AGAP1: variants seen among roughly 807,000 people sequenced by gnomAD.
AGAP1 encodes ArfGAP with GTPase domain, ankyrin repeat and PH domain 1.
Under a neutral mutation model 105.3 loss-of-function variants are expected in AGAP1, and 29 were observed. The observed-to-expected ratio is 0.28, with a 90% CI of 0.21 to 0.38. AGAP1 has a LOEUF of 0.38. Among genes scored for constraint, AGAP1 ranks in the 10% least tolerant of loss-of-function variants. The pLI is 1.00. For missense variants in AGAP1, 998 were observed against 1,165.1 expected (o/e 0.86, Z 2.09); for synonymous variants, 509 against 485.9 (o/e 1.05, Z -0.63).
intron 1 of AGAP1, among the ~76,000 whole-genome samples, chr2:235,593,710 T>C (rs1945424787): frequency 6.6e-6 from 1 of 152,186 alleles, no homozygotes; most frequent in Non-Finnish European, 1.5e-5. Flanking sequence ...CTTTCTGTAA[T>C]CCCAGCACTT....
In AGAP1 at chr2:236,096,739, C is replaced by T. The variant is rs2059201497; in HGVS notation, c.2115-23453C>T. 6.6e-6 allele frequency among the ~76,000 whole-genome samples: 1 copy of T among 151,626 alleles called. No individual in the cohort carries two copies. The highest frequency in any genetic ancestry group is 2.4e-5 in the African/African-American group (1 of 41,316). On this transcript the variant is annotated intron_variant, in intron 16 of 17. Transcript: ENST00000304032. The surrounding 1 kb of genome is among the most constrained non-coding windows in gnomAD (Gnocchi z 4.4). ...GATTACAGGTGCCCACCACCACACC[C>T]AGCTAATTTTTTGTATTTTATTTTA... is the stretch of plus-strand genomic sequence containing the variant.
rs2052997193 is a variant in AGAP1 at position 235,936,540 on chromosome 2, A to C, written c.1483+5617A>C. Among the ~76,000 whole-genome samples the C allele has an allele frequency of 6.6e-6, 1 of 152,152 alleles. No individual in the cohort carries two copies. The highest frequency in any genetic ancestry group is 1.5e-5 in the Non-Finnish European group (1 of 68,002). On this transcript the variant is annotated intron_variant, in intron 12 of 17. Transcript: ENST00000304032. This position sits in a 1 kb window ranked among gnomAD's most constrained non-coding sequence, Gnocchi z 4.7. Reference sequence around the variant, plus strand: ...CTGTCTGTCCCACACTTACTTTCGGAGCCAATGCATTTGAACCACACTTTC... The same window carrying C: ...CTGTCTGTCCCACACTTACTTTCGGCGCCAATGCATTTGAACCACACTTTC...
At chr2:235,968,760 C>A in intron 13 of AGAP1, 137 bp downstream of exon 13, 3 of 901,224 alleles carry the variant, frequency 3.3e-6, no homozygotes, top group Non-Finnish European at 3.3e-6. Flanking sequence ...TTTCTGTTTG[C>A]AAGGTGGCAC....
In AGAP1 at chr2:235,959,694, A is replaced by G. The variant is rs1281333787; in HGVS notation, c.1484-8768A>G. 6.6e-6 allele frequency among the ~76,000 whole-genome samples: 1 copy of G among 152,110 alleles called. No individual in the cohort carries two copies. Among genetic ancestry groups the G allele is most frequent in the Non-Finnish European group, 1.5e-5 (1 of 68,024 alleles). ...ACCCCGCCATCACCTTCTCAGCACC[A>G]TGATGGCCACTCCCTCGTGTAGCCG... On this transcript the variant is annotated intron_variant, in intron 12 of 17. Transcript: ENST00000304032. This position sits in a 1 kb window ranked among gnomAD's most constrained non-coding sequence, Gnocchi z 7.3.
At chr2:235,844,802 C>T (rs1448848852) in intron 9 of AGAP1, among the ~76,000 whole-genome samples, 4 of 152,170 alleles carry the variant, frequency 2.6e-5, no homozygotes, top group East Asian at 3.9e-4. Flanking sequence ...TTGGTGCTGT[C>T]GCCCCCTCAG....
rs1274474179 is a variant in AGAP1, at chr2:235,494,429, G to C, written c.-258G>C. ...GCCGCGGCGCGCTCCATGGGGGCGC[G>C]CTCCCCCCGGGCGGCCCGCTGACCC... is the stretch of plus-strand genomic sequence containing the variant. On this transcript the variant is annotated 5_prime_UTR_variant, in exon 1 of 18. Coordinates refer to ENST00000304032, the MANE Select transcript of AGAP1 (RefSeq NM_001037131.3). The C allele has an allele frequency of 7.0e-6, 1 of 142,616 alleles. No homozygotes were observed. The highest frequency in any genetic ancestry group is 1.6e-5 in the Non-Finnish European group (1 of 64,374). The allele number at this position is 142,616 out of a possible 1,614,324, so 8.8% of individuals were successfully genotyped here. A position where few individuals can be genotyped will look rare whatever the true frequency, so the allele number is the denominator to read the frequency against.
chr2:235,848,843 T>C (rs1961824118), intron 9 of AGAP1, among the ~76,000 whole-genome samples: 1 of 152,196 alleles, frequency 6.6e-6, no homozygotes, highest in Non-Finnish European at 1.5e-5. Flanking sequence ...GCTTTTCTGA[T>C]AGTGGGGAAG....
chr2:236,009,985 T>C lies in AGAP1; in HGVS notation c.1646-26576T>C, dbSNP rs1559187768. ...GAGTTTGGAATAAAACCCTGCTCGT[T>C]TGAGCATGCCAGCAGACTAAAGAAT... On this transcript the variant is annotated intron_variant, in intron 13 of 17. Transcript: ENST00000304032. This position sits in a 1 kb window ranked among gnomAD's most constrained non-coding sequence, Gnocchi z 4.2. Among the ~76,000 whole-genome samples, 1 of 152,162 alleles carries C rather than the reference T, an allele frequency of 6.6e-6. No individual in the cohort carries two copies. The highest frequency in any genetic ancestry group is 1.5e-5 in the Non-Finnish European group (1 of 68,030).
chr2:235,860,207 C>G (rs1322075416), intron 9 of AGAP1, among the ~76,000 whole-genome samples: 1 of 152,174 alleles, frequency 6.6e-6, no homozygotes, highest in Non-Finnish European at 1.5e-5. Flanking sequence ...AAAACATACA[C>G]TGAGAAATAA....
chr2:235,571,799 T>C (rs765901120), intron 1 of AGAP1, among the ~76,000 whole-genome samples: 23 of 151,890 alleles, frequency 1.5e-4, no homozygotes, highest in Non-Finnish European at 3.2e-4. Flanking sequence ...GGTCTCACTT[T>C]GTAGCCCAGG....
At chr2:236,029,549 G>A (rs533680739) in intron 13 of AGAP1, among the ~76,000 whole-genome samples, 1 of 152,042 alleles carries the variant, frequency 6.6e-6, no homozygotes, top group East Asian at 1.9e-4. Context: ...GCCTCCCAAA[G>A]TGTTGGGATC....
At chr2:235,807,369 A>G in intron 9 of AGAP1, 38 bp downstream of exon 9, 1 of 1,547,756 alleles carries the variant, frequency 6.5e-7, no homozygotes, top group Non-Finnish European at 8.7e-7. Context: ...CTGTCGCCGG[A>G]GATACACCTC....
chr2:235,634,755 A>T (rs1351826103), intron 1 of AGAP1, among the ~76,000 whole-genome samples: 2 of 152,056 alleles, frequency 1.3e-5, no homozygotes, highest in Non-Finnish European at 1.5e-5. Context: ...GAGAACACTA[A>T]TTTTTTTTAT....
chr2:235,952,731 G>A (rs1185606908), intron 12 of AGAP1, among the ~76,000 whole-genome samples: 6 of 150,120 alleles, frequency 4.0e-5, no homozygotes, highest in Non-Finnish European at 7.4e-5. Flanking sequence ...TGGAGTTTCC[G>A]CACACACAGA....
At chr2:235,619,409 GGC>G (rs1946406397) in intron 1 of AGAP1, among the ~76,000 whole-genome samples, 3 of 149,952 alleles carry the variant, frequency 2.0e-5, no homozygotes, top group African/African-American at 7.4e-5. Context: ...TCAATCCTGG[GGC>G]TGAAGTAGGG....
intron 12 of AGAP1, among the ~76,000 whole-genome samples, chr2:235,933,107 A>G (rs2052804013): frequency 6.6e-6 from 1 of 152,214 alleles, no homozygotes; most frequent in Admixed American, 6.5e-5. Flanking sequence ...AGCTGTAGGG[A>G]GAGCCCAGGG....
Position 235,754,750 on chromosome 2 carries a change from C to T in AGAP1, c.673+4262C>T, listed in dbSNP as rs567033873. Among the ~76,000 whole-genome samples, 40 of 152,320 alleles carry T rather than the reference C, an allele frequency of 2.6e-4. No individual in the cohort carries two copies. Among genetic ancestry groups the T allele is most frequent in the African/African-American group, 9.1e-4 (38 of 41,572 alleles). ...ACTCGTTCATCTGAGCACCAGCTTCCCACACACTGTGCGTCTGGTCAGGGG... is the reference window on the plus strand; with the variant it reads ...ACTCGTTCATCTGAGCACCAGCTTCTCACACACTGTGCGTCTGGTCAGGGG... On this transcript the variant is annotated intron_variant, in intron 6 of 17. Coordinates refer to ENST00000304032, the MANE Select transcript of AGAP1 (RefSeq NM_001037131.3). This position sits in a 1 kb window ranked among gnomAD's most constrained non-coding sequence, Gnocchi z 4.6.
chr2:235,876,611 C>T (rs1345421209), intron 9 of AGAP1, among the ~76,000 whole-genome samples: 1 of 152,216 alleles, frequency 6.6e-6, no homozygotes, highest in Non-Finnish European at 1.5e-5. Context: ...TGGTCACCAG[C>T]TCCTGTACTC....
intron 1 of AGAP1, among the ~76,000 whole-genome samples, chr2:235,628,174 G>C (rs1444027414): frequency 1.3e-5 from 2 of 152,114 alleles, no homozygotes; most frequent in Non-Finnish European, 2.9e-5. Context: ...TGGGGAGAAG[G>C]CAGGGCCAGC....
Sources: gnomAD v4.1 joint callset for allele counts (sites outside exome capture counted in the v4.1 genomes callset) on GRCh38, gnomAD v4.1.1 for gene constraint, Gnocchi (gnomAD v3.1) non-coding constraint, MANE v1.5 for transcripts, NCBI Gene and HGNC (gene_info 2026-07-23, HGNC 2026-07-21) for gene names.